The following RIC1 variants were observed in gnomAD, a reference collection of about 807,000 sequenced individuals.
RIC1 encodes the protein RIC1 partner of RAB6A GEF complex.
RIC1 carries 88 observed loss-of-function variants against 169.0 expected under a neutral mutation model. The observed-to-expected ratio is 0.52, with a 90% confidence interval of 0.44 to 0.62. The LOEUF (loss-of-function observed/expected upper bound fraction) is 0.62. Ranked by LOEUF, RIC1 falls within the 20% of genes least tolerant of loss-of-function variation. The pLI, the probability that RIC1 is intolerant of heterozygous loss-of-function variation, is 0.00. For missense variants in RIC1, 1,877 were observed against 1,725.5 expected, an observed-to-expected ratio of 1.09 and a Z score of -1.56; for synonymous variants, 790 against 601.5, an observed-to-expected ratio of 1.31 and a Z score of -4.59.
intron 2 of RIC1, among the ~76,000 whole-genome samples, chr9:5,660,439 T>C (rs1033739679): frequency 3.3e-5 from 5 of 152,184 alleles, no homozygotes; most frequent in African/African-American, 1.2e-4. Context: ...CTGTCTTCCA[T>C]AATGGTTGAA....
At chr9:5,635,180 G>T (rs148751647) in intron 1 of RIC1, among the ~76,000 whole-genome samples, 148 of 152,154 alleles carry the variant, frequency 9.7e-4, no homozygotes, top group African/African-American at 3.4e-3. Context: ...TGGTCTTGCT[G>T]TGTTGCCCAG....
In RIC1 at chr9:5,629,273, G is replaced by A. The variant is rs1381853221; in HGVS notation, c.-37G>A. ...CCAGCCCGGGGCCGCTGAGTGTGACGGACGCAACTGGGGGCGCCGGGGGCT... is the reference window on the plus strand; with the variant it reads ...CCAGCCCGGGGCCGCTGAGTGTGACAGACGCAACTGGGGGCGCCGGGGGCT... On this transcript the variant is annotated 5_prime_UTR_variant, in exon 1 of 26. Coordinates refer to ENST00000414202, the MANE Select transcript of RIC1 (RefSeq NM_020829.4). The A allele has an allele frequency of 2.1e-6, 3 of 1,443,540 alleles. No individual in the cohort carries two copies. Among genetic ancestry groups the A allele is most frequent in the East Asian group, 6.0e-5 (2 of 33,366 alleles). The allele number at this position is 1,443,540 out of a possible 1,614,324, so 89.4% of individuals were successfully genotyped here.
At position 5,656,647 on chromosome 9, in the gene RIC1, A is replaced by C. The variant is rs1336834813; in HGVS notation, c.209A>C (p.Lys70Thr). 2 of 1,611,502 alleles carry C rather than the reference A, an allele frequency of 1.2e-6. No individual in the cohort carries two copies. Among genetic ancestry groups the C allele is most frequent in the South Asian group, 2.2e-5 (2 of 90,754 alleles). The change falls in exon 2 of 26, where the codon AAG becomes ACG. Residue 70 changes from lysine to threonine, a missense_variant. Physicochemically the swap from Lys to Thr is moderately conservative, Grantham distance 78. This residue lies in a region of RIC1 where 1,104 missense variants were observed against 992.0 expected (regional missense o/e 1.11). Transcript: ENST00000414202. ...AKSSTQFGSYKQAEWRPDSTM... is the reference protein window; with the variant it reads ...AKSSTQFGSYTQAEWRPDSTM... ...TCATCTACTCAGTTTGGATCCTACA[A>C]GCAAGCTGAATGGAGGCCAGATAGT...
chr9:5,709,470 G>A (rs1365058844), intron 3 of RIC1, among the ~76,000 whole-genome samples: 7 of 152,228 alleles, frequency 4.6e-5, no homozygotes, highest in East Asian at 3.9e-4. Flanking sequence ...ATATTTGTAC[G>A]TTTCAGTTTT....
intron 6 of RIC1, among the ~76,000 whole-genome samples, chr9:5,726,991 T>C (rs1190769106): frequency 2.0e-5 from 3 of 152,208 alleles, no homozygotes; most frequent in Admixed American, 2.0e-4. Flanking sequence ...TTAACATTTT[T>C]TCCTTCATTT....
At chr9:5,646,350 A>C (rs60971063) in intron 1 of RIC1, among the ~76,000 whole-genome samples, 2,071 of 152,268 alleles carry the variant, frequency 0.014, 55 homozygotes, top group African/African-American at 0.047. Context: ...GTTATGCTCC[A>C]TGTAATGGCA....
chr9:5,773,533 G>GC (rs1313839237), intron 25 of RIC1, among the ~76,000 whole-genome samples: 1 of 152,164 alleles, frequency 6.6e-6, no homozygotes, highest in Non-Finnish European at 1.5e-5. Context: ...TTGGACTCTA[G>GC]CCCTGTCTTT....
chr9:5,772,537 T>C (rs41280735), intron 23 of RIC1, 27 bp from the exon 24 acceptor site: 24,646 of 1,543,686 alleles, frequency 0.016, 243 homozygotes, highest in Non-Finnish European at 0.019. Context: ...ACGAAGTTGG[T>C]TGTAACTTTT....
intron 1 of RIC1, among the ~76,000 whole-genome samples, chr9:5,647,956 G>GTGGTGGTGA (rs1818605793): frequency 7.7e-6 from 1 of 130,346 alleles, no homozygotes; most frequent in African/African-American, 3.3e-5. Flanking sequence ...GGTGGTGGTG[G>GTGGTGGTGA]TGGTGGTGGT....
chr9:5,732,871 CAAGCAAATTTAAAGTG>C (rs1265614431), intron 7 of RIC1, among the ~76,000 whole-genome samples: 3 of 152,000 alleles, frequency 2.0e-5, no homozygotes, highest in Non-Finnish European at 4.4e-5. Context: ...CTTTAGTTAA[CAAGCAAATTTAAAGTG>C]CACATATAAA....
rs766852345 is a variant in RIC1, at chr9:5,773,111, C to T, written c.3983+31C>T. On this transcript the variant is annotated intron_variant, in intron 25 of 25. Transcript: ENST00000414202. ...TGCTGCTTTCCTTAGGCTTGGTGTC[C>T]TTCCATGTCTTTTGGTGAATCCTGT... 4 of 1,458,464 alleles carry T rather than the reference C, an allele frequency of 2.7e-6. No homozygotes were observed. The South Asian group carries it at 4.5e-5, about 17-fold the overall frequency. The allele number at this position is 1,458,464 out of a possible 1,614,324, so 90.3% of individuals were successfully genotyped here.
chr9:5,676,516 G>C (rs138519213), intron 2 of RIC1, among the ~76,000 whole-genome samples: 35 of 152,100 alleles, frequency 2.3e-4, no homozygotes, highest in African/African-American at 8.2e-4. Context: ...AGCAAACTAG[G>C]GTACAGAGAG....
At chr9:5,751,607 A>G (rs1291349338) in intron 12 of RIC1, among the ~76,000 whole-genome samples, 1 of 152,166 alleles carries the variant, frequency 6.6e-6, no homozygotes, top group Admixed American at 6.5e-5. Flanking sequence ...TGCCTGCCTC[A>G]GCCTCCCAAA....
At chr9:5,734,386 GAGCCACTGGGCCC>G (rs1267691520) in intron 7 of RIC1, among the ~76,000 whole-genome samples, 19 of 152,086 alleles carry the variant, frequency 1.2e-4, no homozygotes, top group Admixed American at 4.6e-4. Context: ...TTACAGGTGT[GAGCCACTGGGCCC>G]GGCCCAGTTT....
rs116393543 is a variant in RIC1, at chr9:5,727,935, G to T, written c.721-4453G>T. ...TCTTAGAGGGGCACCCAGCTGGATT[G>T]AGGTGTCAGTTGGCCCCTAATGGGA... On this transcript the variant is annotated intron_variant, in intron 6 of 25. Coordinates refer to ENST00000414202, the MANE Select transcript of RIC1 (RefSeq NM_020829.4). Among the ~76,000 whole-genome samples, 1,115 of 152,314 alleles carry T rather than the reference G, an allele frequency of 7.3e-3. 12 individuals are homozygous for T. The highest frequency in any genetic ancestry group is 0.025 in the African/African-American group (1,029 of 41,566).
chr9:5,636,752 G>A (rs1230046512), intron 1 of RIC1, among the ~76,000 whole-genome samples: 2 of 151,944 alleles, frequency 1.3e-5, no homozygotes, highest in Non-Finnish European at 2.9e-5. Context: ...TGGTTTTTAG[G>A]TTTTTCTAAA....
chr9:5,722,895 T>G (rs1587023103), intron 6 of RIC1, among the ~76,000 whole-genome samples: 1 of 152,242 alleles, frequency 6.6e-6, no homozygotes, highest in South Asian at 2.1e-4. Flanking sequence ...ACTCATCCTT[T>G]TTTATGGCTG....
rs1823814332 is a variant in RIC1, at chr9:5,724,355, G to C, written c.720+3605G>C. 2.0e-5 allele frequency among the ~76,000 whole-genome samples: 3 copies of C among 152,048 alleles called. 1 individual carries two copies. The highest frequency in any genetic ancestry group is 4.1e-4 in the South Asian group (2 of 4,822). ...GGGAGTTCACTCATGATTTGGTTCT[G>C]TGTTTGTCTGTTATTGGTGTATAGG... On this transcript the variant is annotated intron_variant, in intron 6 of 25. Coordinates refer to ENST00000414202, the MANE Select transcript of RIC1 (RefSeq NM_020829.4).
chr9:5,733,845 A>T lies in RIC1; in HGVS notation c.812+1366A>T, dbSNP rs984978093. Among the ~76,000 whole-genome samples the T allele has an allele frequency of 5.3e-5, 8 of 151,528 alleles. 1 individual carries two copies. Among genetic ancestry groups the T allele is most frequent in the Admixed American group, 5.3e-4 (8 of 15,216 alleles). ...TATAATTTTCCTCTTTACTCTTCTG[A>T]GTAAGGTTATGGCTGTCTCATAAAG... On this transcript the variant is annotated intron_variant, in intron 7 of 25. Transcript: ENST00000414202.
Sources: allele counts gnomAD v4.1 joint callset (sites outside exome capture counted in the v4.1 genomes callset), GRCh38; gene constraint gnomAD v4.1.1; regional missense constraint gnomAD v4.1.1; transcripts MANE v1.5; gene names NCBI Gene and HGNC (gene_info 2026-07-23, HGNC 2026-07-21).